Variants in WWOX observed in about 807,000 individuals in gnomAD.
WWOX encodes WW domain containing oxidoreductase, also known as WW domain-containing oxidoreductase.
Under a neutral mutation model 46.2 loss-of-function variants are expected in WWOX, and 69 were observed. The observed-to-expected ratio is 1.49, with a 90% CI of 1.23 to 1.82. The LOEUF is 1.82. Among genes scored for constraint, WWOX ranks in the 40% most tolerant of loss-of-function variants. WWOX has a pLI of 0.00. For missense variants in WWOX, 919 were observed against 542.6 expected, an observed-to-expected ratio of 1.69 and a Z score of -6.89; for synonymous variants, 359 against 202.6, an observed-to-expected ratio of 1.77 and a Z score of -6.56.
At chr16:79,193,402 A>C (rs543602810) in intron 8 of WWOX, among the ~76,000 whole-genome samples, 2 of 152,264 alleles carry the variant, frequency 1.3e-5, no homozygotes, top group African/African-American at 4.8e-5. Context: ...TTTATTCTTT[A>C]TGCCTCACTG....
chr16:78,983,870 CTTTT>C (rs760130115), intron 8 of WWOX, among the ~76,000 whole-genome samples: 1 of 79,844 alleles, frequency 1.3e-5, no homozygotes, highest in Non-Finnish European at 2.2e-5. Context: ...GAGAGCTATT[CTTTT>C]TTTTTTTTTT....
At position 78,125,509 on chromosome 16, in the gene WWOX, C is replaced by T. The variant is rs543344273; in HGVS notation, c.409+10355C>T. ...CCCGGTCAAGTGCTGGGAGTGGCATCTGCGGGGAGGGCCAAGGCAGATGTC... is the reference window on the plus strand; with the variant it reads ...CCCGGTCAAGTGCTGGGAGTGGCATTTGCGGGGAGGGCCAAGGCAGATGTC... On this transcript the variant is annotated intron_variant, in intron 4 of 8. Transcript: ENST00000566780. 2.2e-3 allele frequency among the ~76,000 whole-genome samples: 339 copies of T among 152,228 alleles called. 3 individuals are homozygous for T. The highest frequency in any genetic ancestry group is 3.6e-3 in the Non-Finnish European group (248 of 68,014).
At chr16:78,719,413 C>T (rs1001978408) in intron 8 of WWOX, among the ~76,000 whole-genome samples, 11 of 152,222 alleles carry the variant, frequency 7.2e-5, no homozygotes, top group Admixed American at 5.9e-4. Flanking sequence ...CAGAAGCTTG[C>T]CTTACAGGCA....
At chr16:79,103,328 A>G (rs991878173) in intron 8 of WWOX, among the ~76,000 whole-genome samples, 2 of 152,224 alleles carry the variant, frequency 1.3e-5, no homozygotes, top group African/African-American at 4.8e-5. Context: ...CACAGGTATT[A>G]AAGTACCTTT....
rs190854312 is a variant in WWOX at position 78,998,776 on chromosome 16, T to C, written c.1057-212832T>C. On this transcript the variant is annotated intron_variant, in intron 8 of 8. Transcript: ENST00000566780. ...AGCGTTGCTTCTATTGAATGACTTC[T>C]TGAAAGTGCCAGTCTGATCCTTGAC... Among the ~76,000 whole-genome samples, 218 of 152,370 alleles carry C rather than the reference T, an allele frequency of 1.4e-3. 1 individual carries two copies. The highest frequency in any genetic ancestry group is 5.0e-3 in the African/African-American group (208 of 41,596).
At chr16:78,247,930 A>G (rs2037862829) in intron 5 of WWOX, among the ~76,000 whole-genome samples, 2 of 152,194 alleles carry the variant, frequency 1.3e-5, no homozygotes, top group Non-Finnish European at 2.9e-5. Flanking sequence ...GGATTGAAGC[A>G]CATATCTTGC....
chr16:78,922,256 A>G (rs2045396190), intron 8 of WWOX, among the ~76,000 whole-genome samples: 1 of 152,152 alleles, frequency 6.6e-6, no homozygotes. Flanking sequence ...CTGCAACCTA[A>G]GGTTACATGG....
chr16:78,226,504 C>CCCTCCCTCCCTT (rs1461158786), intron 5 of WWOX, among the ~76,000 whole-genome samples: 1 of 127,034 alleles, frequency 7.9e-6, no homozygotes, highest in African/African-American at 3.1e-5. Flanking sequence ...CTCCCTCCCT[C>CCCTCCCTCCCTT]CCTTCCTTCC....
At chr16:78,435,338 G>A (rs758099716) in intron 8 of WWOX, among the ~76,000 whole-genome samples, 1 of 152,160 alleles carries the variant, frequency 6.6e-6, no homozygotes, top group Non-Finnish European at 1.5e-5. Flanking sequence ...AGCCTCTGCC[G>A]CACCCTACTG....
chr16:78,222,999 C>G (rs2036940974), intron 5 of WWOX, among the ~76,000 whole-genome samples: 1 of 152,176 alleles, frequency 6.6e-6, no homozygotes, highest in Non-Finnish European at 1.5e-5. Context: ...GACGCACTCC[C>G]TGTCATTCCC....
chr16:78,698,663 A>T (rs1474241876), intron 8 of WWOX, among the ~76,000 whole-genome samples: 4 of 152,158 alleles, frequency 2.6e-5, no homozygotes, highest in African/African-American at 4.8e-5. Context: ...TAATTTTGTT[A>T]TATCCATATG....
At chr16:79,045,029 A>C (rs2048039505) in intron 8 of WWOX, among the ~76,000 whole-genome samples, 1 of 152,212 alleles carries the variant, frequency 6.6e-6, no homozygotes, top group Admixed American at 6.5e-5. Flanking sequence ...CGAGCTCTAG[A>C]AGATGCTAAG....
rs1469117 is a variant in WWOX, at chr16:78,114,897, T to G, written c.231-79T>G. On this transcript the variant is annotated intron_variant, in intron 3 of 8. Coordinates refer to ENST00000566780, the MANE Select transcript of WWOX (RefSeq NM_016373.4). The stretch of plus-strand genomic sequence containing the variant: ...TTTTGGTCTATGAAAAATGGGGTTT[T>G]CCTAAAGTATAAGATTGTCTTATAT... 0.84 allele frequency: 1,336,790 copies of G among 1,590,972 alleles called. 562,283 individuals are homozygous for G. Among genetic ancestry groups the G allele is most frequent in the East Asian group, 0.87 (38,742 of 44,696 alleles).
intron 8 of WWOX, among the ~76,000 whole-genome samples, chr16:79,193,026 G>C (rs1282760355): frequency 6.6e-6 from 1 of 152,222 alleles, no homozygotes; most frequent in African/African-American, 2.4e-5. Context: ...AGAAGTTTGT[G>C]TCCATGGCTG....
At chr16:78,234,141 A>C (rs1334363096) in intron 5 of WWOX, among the ~76,000 whole-genome samples, 2 of 150,370 alleles carry the variant, frequency 1.3e-5, no homozygotes, top group African/African-American at 2.4e-5. Flanking sequence ...TTGAGTCTGG[A>C]TTTTAGAATA....
chr16:78,852,437 C>G (rs574104326), intron 8 of WWOX, among the ~76,000 whole-genome samples: 78 of 152,250 alleles, frequency 5.1e-4, no homozygotes, highest in African/African-American at 1.8e-3. Flanking sequence ...ATGGGGAGAT[C>G]CGCATAGCAA....
intron 8 of WWOX, among the ~76,000 whole-genome samples, chr16:79,193,398 C>G (rs1248036412): frequency 6.6e-6 from 1 of 152,166 alleles, no homozygotes; most frequent in East Asian, 1.9e-4. Flanking sequence ...TGCTTTTATT[C>G]TTTATGCCTC....
At chr16:78,755,370 C>T (rs1275055271) in intron 8 of WWOX, among the ~76,000 whole-genome samples, 1 of 152,176 alleles carries the variant, frequency 6.6e-6, no homozygotes, top group East Asian at 1.9e-4. Context: ...CCCAGGACTC[C>T]TGGTCCAGGT....
chr16:78,608,280 C>G (rs758568333), intron 8 of WWOX, among the ~76,000 whole-genome samples: 1 of 152,186 alleles, frequency 6.6e-6, no homozygotes, highest in African/African-American at 2.4e-5. Flanking sequence ...TGAGGTTCAG[C>G]TTAAAAGGCC....
Sources: allele counts gnomAD v4.1 joint callset (sites outside exome capture counted in the v4.1 genomes callset), GRCh38; gene constraint gnomAD v4.1.1; transcripts MANE v1.5; gene names NCBI Gene and HGNC (gene_info 2026-07-23, HGNC 2026-07-21).